Variants in NAA15 observed in about 807,000 individuals in gnomAD.
NAA15 encodes the protein N-alpha-acetyltransferase 15, NatA auxiliary subunit.
A neutral mutation model predicts 114.0 loss-of-function variants in NAA15; 34 were observed. That is an observed-to-expected ratio of 0.30 (90% CI 0.23 to 0.40). The LOEUF (loss-of-function observed/expected upper bound fraction) is 0.40, where lower values mean the gene tolerates loss of function less well. Among genes scored for constraint, NAA15 ranks in the 10% least tolerant of loss-of-function variants. The probability of loss-of-function intolerance (pLI) is 1.00; values close to 1 mark genes in which losing one functional copy is unlikely to be tolerated. For synonymous variants in NAA15, 340 were observed against 338.0 expected, an observed-to-expected ratio of 1.01 and a Z score of -0.06; for missense variants, 658 against 1,004.5, an observed-to-expected ratio of 0.66 and a Z score of 4.66.
In NAA15 at chr4:139,340,250, G is replaced by A. The variant is rs1197542139; in HGVS notation, c.245-662G>A. Among the ~76,000 whole-genome samples, 5 of 152,192 alleles carry A rather than the reference G, an allele frequency of 3.3e-5. No homozygotes were observed. The South Asian group carries it at 8.3e-4, about 25-fold the overall frequency. On this transcript the variant is annotated intron_variant, in intron 3 of 19. Coordinates refer to ENST00000296543, the MANE Select transcript of NAA15 (RefSeq NM_057175.5). ...GGTGGGAGTATCACTTGAGTGCAGG[G>A]AGTGGAGGTTGCAGTGAGCAAAGAC... is the stretch of plus-strand genomic sequence containing the variant.
chr4:139,337,491 A>C (rs1042362528), intron 3 of NAA15, among the ~76,000 whole-genome samples: 5 of 152,084 alleles, frequency 3.3e-5, no homozygotes, highest in Admixed American at 3.3e-4. Context: ...TACCCACCTC[A>C]CTGTGTTGGT....
intron 7 of NAA15, among the ~76,000 whole-genome samples, chr4:139,350,029 T>G (rs1747728525): frequency 6.6e-6 from 1 of 152,128 alleles, no homozygotes. Context: ...CAAACTTCTA[T>G]TTAATATGAC....
intron 19 of NAA15, 73 bp downstream of exon 19, chr4:139,386,303 T>G (rs558654897): frequency 2.6e-4 from 196 of 756,908 alleles, no homozygotes; most frequent in Non-Finnish European, 4.0e-4. Flanking sequence ...AATTGGGTAT[T>G]TATACACACT....
intron 1 of NAA15, among the ~76,000 whole-genome samples, chr4:139,307,464 G>A (rs559366152): frequency 3.0e-4 from 45 of 151,984 alleles, no homozygotes; most frequent in Non-Finnish European, 4.7e-4. Context: ...ACGGGGTTTC[G>A]CCATGTTGGC....
intron 9 of NAA15, among the ~76,000 whole-genome samples, chr4:139,352,960 G>A (rs1747830815): frequency 6.6e-6 from 1 of 152,106 alleles, no homozygotes; most frequent in African/African-American, 2.4e-5. Context: ...GAGCCACCAT[G>A]CCTGGCCAAG....
rs1397270084 is a variant in NAA15 at position 139,390,588 on chromosome 4, CT to C, written c.*2506del. ...CAACCCTTTTGAGAAGAAAGGGTCT[CT>C]TGACCTGTATTAACATAGGAAAGTA... On this transcript the variant is annotated 3_prime_UTR_variant, in exon 20 of 20. Transcript: ENST00000296543. 2.6e-5 allele frequency: 4 copies of C among 152,660 alleles called. No individual in the cohort carries two copies. The highest frequency in any genetic ancestry group is 9.6e-5 in the African/African-American group (4 of 41,462). The allele number at this position is 152,660 out of a possible 1,614,324, so 9.5% of individuals were successfully genotyped here.
intron 14 of NAA15, 137 bp downstream of exon 14, chr4:139,362,074 A>G (rs1048522201): frequency 6.2e-6 from 3 of 487,748 alleles, no homozygotes; most frequent in African/African-American, 4.0e-5. Flanking sequence ...CTAAACAACA[A>G]AAGAAAAATG....
At chr4:139,352,803 G>A (rs1469950973) in intron 9 of NAA15, among the ~76,000 whole-genome samples, 2 of 151,492 alleles carry the variant, frequency 1.3e-5, no homozygotes, top group Non-Finnish European at 2.9e-5. Context: ...AAGTAGCTGC[G>A]ATTACAGGCA....
intron 11 of NAA15, among the ~76,000 whole-genome samples, chr4:139,357,777 A>G (rs545753023): frequency 2.1e-4 from 32 of 152,350 alleles, no homozygotes; most frequent in African/African-American, 7.5e-4. Context: ...ACGTACATAC[A>G]TTAATGTATA....
intron 19 of NAA15, 83 bp downstream of exon 19, chr4:139,386,313 T>A (rs1748908736): frequency 2.9e-6 from 2 of 694,070 alleles, no homozygotes. Context: ...TTATACACAC[T>A]GTTTTTTAAA....
rs768041310 is a variant in NAA15, at chr4:139,360,573, A to G, written c.1484A>G (p.Tyr495Cys). 3.2e-5 allele frequency: 51 copies of G among 1,610,334 alleles called. No individual in the cohort carries two copies. Among genetic ancestry groups the G allele is most frequent in the Non-Finnish European group, 4.2e-5 (50 of 1,178,298 alleles). ...TTCCAAACAGAATGTGCCCAGGCTT[A>G]TAAAGCAATGAATAAATTTGGTGAA... ...MWFQTECAQA[Y>C]KAMNKFGEAL... The change falls in exon 13 of 20, where the codon TAT becomes TGT. Residue 495 changes from tyrosine (Y) to cysteine (C), a missense_variant. Transcript: ENST00000296543.
intron 15 of NAA15, among the ~76,000 whole-genome samples, chr4:139,372,443 C>G (rs1748468050): frequency 6.6e-6 from 1 of 152,190 alleles, no homozygotes; most frequent in South Asian, 2.1e-4. Flanking sequence ...AACGGTGCTT[C>G]TGACTGCTTT....
intron 14 of NAA15, among the ~76,000 whole-genome samples, chr4:139,363,307 A>C (rs1293928367): frequency 1.3e-5 from 2 of 152,196 alleles, no homozygotes; most frequent in Non-Finnish European, 2.9e-5. Context: ...AAATATGAAG[A>C]TCCCCTTTCA....
chr4:139,344,180 A>G lies in NAA15; in HGVS notation c.538-6A>G, dbSNP rs1421231625. 1.2e-6 allele frequency: 2 copies of G among 1,604,996 alleles called. No homozygotes were observed. The highest frequency in any genetic ancestry group is 8.5e-7 in the Non-Finnish European group (1 of 1,175,642). ...TACTGTCAGTATTCCTTATATCCATATACAGACATCCCCTGACAAGGTGGA... is the reference window on the plus strand; with the variant it reads ...TACTGTCAGTATTCCTTATATCCATGTACAGACATCCCCTGACAAGGTGGA... On this transcript the variant is annotated splice_region_variant and splice_polypyrimidine_tract_variant and intron_variant, in intron 5 of 19. Coordinates refer to ENST00000296543, the MANE Select transcript of NAA15 (RefSeq NM_057175.5).
At chr4:139,311,263 C>T (rs573238665) in intron 1 of NAA15, among the ~76,000 whole-genome samples, 8 of 151,964 alleles carry the variant, frequency 5.3e-5, no homozygotes, top group African/African-American at 7.2e-5. Flanking sequence ...AAGATAAGGA[C>T]GTCTGTTAAT....
Position 139,381,953 on chromosome 4 carries a change from T to C in NAA15, c.2156-2879T>C, listed in dbSNP as rs75242059. Among the ~76,000 whole-genome samples, 20 of 152,312 alleles carry C rather than the reference T, an allele frequency of 1.3e-4. No individual in the cohort carries two copies. In the East Asian group the frequency reaches 2.3e-3, roughly 18 times the overall value. On this transcript the variant is annotated intron_variant, in intron 17 of 19. Coordinates refer to ENST00000296543, the MANE Select transcript of NAA15 (RefSeq NM_057175.5). ...ACTTTTCCTTGATTCTCAAGACTTATTACTCTTTCATGGAAGGTAATTGAG... is the reference window on the plus strand; with the variant it reads ...ACTTTTCCTTGATTCTCAAGACTTACTACTCTTTCATGGAAGGTAATTGAG...
At chr4:139,386,282 C>A in intron 19 of NAA15, 52 bp downstream of exon 19, 1 of 1,022,268 alleles carries the variant, frequency 9.8e-7, no homozygotes, top group Non-Finnish European at 1.5e-6. Flanking sequence ...ACTTTTTTCA[C>A]CAAGAGAAAT....
At chr4:139,336,199 G>A (rs995028468) in intron 2 of NAA15, among the ~76,000 whole-genome samples, 2 of 152,022 alleles carry the variant, frequency 1.3e-5, no homozygotes, top group Non-Finnish European at 2.9e-5. Flanking sequence ...AAAAAGTTAG[G>A]CAAATAATGT....
In NAA15 at chr4:139,337,035, C is replaced by G. The variant is rs545927721; in HGVS notation, c.244+83C>G. On this transcript the variant is annotated intron_variant, in intron 3 of 19. Transcript: ENST00000296543. ...ATTTGAGAGTCAAAGTTTTAGATCTCTCTTATTGTGCTATTACAGAGGAAA... is the reference window on the plus strand; with the variant it reads ...ATTTGAGAGTCAAAGTTTTAGATCTGTCTTATTGTGCTATTACAGAGGAAA... 2.6e-4 allele frequency: 195 copies of G among 742,126 alleles called. No individual in the cohort carries two copies. In the East Asian group the frequency reaches 5.3e-3, roughly 20 times the overall value. The allele number at this position is 742,126 out of a possible 1,614,324, so 46.0% of individuals were successfully genotyped here. A position where few individuals can be genotyped will look rare whatever the true frequency, so the allele number is the denominator to read the frequency against.
Sources: gnomAD v4.1 joint callset for allele counts (sites outside exome capture counted in the v4.1 genomes callset) on GRCh38, gnomAD v4.1.1 for gene constraint, MANE v1.5 for transcripts, NCBI Gene and HGNC (gene_info 2026-07-23, HGNC 2026-07-21) for gene names.